Variants in AGBL1 observed in about 807,000 individuals in gnomAD.
The protein encoded by AGBL1 is AGBL carboxypeptidase 1.
AGBL1 carries 130 observed loss-of-function variants against 118.9 expected under a neutral mutation model. The ratio of observed to expected loss-of-function variants is 1.09; its 90% CI spans 0.95 to 1.26. The LOEUF (loss-of-function observed/expected upper bound fraction) is 1.26, where lower values mean the gene tolerates loss of function less well. AGBL1 is among the 50% of genes most tolerant of loss of function. The pLI is 0.00. For missense variants in AGBL1, 1,584 were observed against 1,298.1 expected (o/e 1.22, Z -3.38); for synonymous variants, 555 against 478.9 (o/e 1.16, Z -2.08).
At chr15:86,266,872 C>T in intron 12 of AGBL1, 118 bp from the exon 13 acceptor site, 1 of 905,054 alleles carries the variant, frequency 1.1e-6, no homozygotes, top group South Asian at 1.6e-5. Flanking sequence ...TGCACTCCAG[C>T]CTGGGCAACA....
At chr15:86,558,202 A>C (rs2083762518) in intron 21 of AGBL1, among the ~76,000 whole-genome samples, 1 of 152,102 alleles carries the variant, frequency 6.6e-6, no homozygotes, top group Non-Finnish European at 1.5e-5. Flanking sequence ...GCTGCGGTCC[A>C]CCCTCGAGAT....
chr15:86,247,650 T>C, intron 6 of AGBL1, 21 bp from the exon 7 acceptor site: 1 of 1,577,668 alleles, frequency 6.3e-7, no homozygotes, highest in South Asian at 1.2e-5. Context: ...TGACTGACCC[T>C]GCCTTTCCCT....
intron 18 of AGBL1, among the ~76,000 whole-genome samples, chr15:86,405,865 A>G (rs1596074876): frequency 6.6e-6 from 1 of 152,196 alleles, no homozygotes; most frequent in Middle Eastern, 3.4e-3. Flanking sequence ...CTGTAGAGGC[A>G]GCTACCACCT....
At chr15:87,018,594 AAG>A (rs2081631129) in intron 24 of AGBL1, among the ~76,000 whole-genome samples, 2 of 152,186 alleles carry the variant, frequency 1.3e-5, no homozygotes, top group Admixed American at 1.3e-4. Context: ...CCTGCCTTGC[AAG>A]AGCTCCTGAA....
chr15:86,814,101 C>T (rs1323020996), intron 22 of AGBL1, among the ~76,000 whole-genome samples: 1 of 152,236 alleles, frequency 6.6e-6, no homozygotes, highest in African/African-American at 2.4e-5. Context: ...GGTCCATGGC[C>T]TATTAGGAAG....
chr15:86,283,417 A>C (rs1416423978), intron 16 of AGBL1, among the ~76,000 whole-genome samples: 1 of 151,982 alleles, frequency 6.6e-6, no homozygotes, highest in African/African-American at 2.4e-5. Context: ...CAGAATTTTT[A>C]CCAGACACAT....
rs547425673 is a variant in AGBL1 at position 86,535,569 on chromosome 15, C to T, written c.2686-10433C>T. ...TGCATTTTGGTAAAGGGATTTCAGT[C>T]CTCTTTGAAGAGCGCATCAATTTCT... On this transcript the variant is annotated intron_variant, in intron 19 of 22. Coordinates refer to ENST00000614907, the MANE Select transcript of AGBL1 (RefSeq NM_001386094.1). 6.6e-5 allele frequency among the ~76,000 whole-genome samples: 10 copies of T among 152,328 alleles called. No homozygotes were observed. In the East Asian group the frequency reaches 1.9e-3, roughly 29 times the overall value.
chr15:86,411,047 G>C (rs1019044153), intron 18 of AGBL1, among the ~76,000 whole-genome samples: 2 of 148,802 alleles, frequency 1.3e-5, no homozygotes, highest in Non-Finnish European at 3.0e-5. Context: ...TTCAGCAACA[G>C]AGAAAGCTTG....
intron 24 of AGBL1, among the ~76,000 whole-genome samples, chr15:87,012,228 C>G (rs1185419053): frequency 6.7e-6 from 1 of 148,524 alleles, no homozygotes; most frequent in African/African-American, 2.5e-5. Flanking sequence ...CACACACACA[C>G]GCTTGCATAT....
At chr15:86,199,606 T>G (rs2077871375) in intron 5 of AGBL1, among the ~76,000 whole-genome samples, 1 of 152,218 alleles carries the variant, frequency 6.6e-6, no homozygotes, top group Admixed American at 6.5e-5. Context: ...TTTGTGACAC[T>G]GAACTGTTAC....
At chr15:86,904,296 G>A (rs914817777) in intron 22 of AGBL1, among the ~76,000 whole-genome samples, 1 of 151,924 alleles carries the variant, frequency 6.6e-6, no homozygotes, top group African/African-American at 2.4e-5. Flanking sequence ...GATACGGTCT[G>A]CCTTTTTCTC....
At chr15:86,891,897 A>C (rs2080057682) in intron 22 of AGBL1, among the ~76,000 whole-genome samples, 1 of 152,196 alleles carries the variant, frequency 6.6e-6, no homozygotes, top group Non-Finnish European at 1.5e-5. Context: ...TTCATCAACT[A>C]ATTAGGTAAA....
intron 21 of AGBL1, among the ~76,000 whole-genome samples, chr15:86,581,601 A>G (rs1402130467): frequency 6.6e-6 from 1 of 152,138 alleles, no homozygotes; most frequent in Non-Finnish European, 1.5e-5. Flanking sequence ...AGTTTCCATA[A>G]CAAATCAATT....
In AGBL1 at chr15:86,266,409, A is replaced by C; in HGVS notation, c.1703A>C (p.Gln568Pro). The change falls in exon 12 of 23, where the codon CAG (glutamine) becomes CCG (proline). Residue 568 changes from glutamine to proline, a missense_variant. Gln to Pro is a moderately conservative substitution (Grantham distance 76, BLOSUM62 -1). Coordinates refer to ENST00000614907, the MANE Select transcript of AGBL1 (RefSeq NM_001386094.1). ...RIFEDIRRLI[Q>P]PSDVINKVVF... The stretch of plus-strand genomic sequence containing the variant: ...TTTGAGGATATTCGGAGGCTCATCC[A>C]GCCAAGTGATGTTATAAATAAAGTT... 6.3e-7 allele frequency: 1 copy of C among 1,581,322 alleles called. No homozygotes were observed.
chr15:86,864,933 G>A (rs2079604844), intron 22 of AGBL1, among the ~76,000 whole-genome samples: 1 of 152,126 alleles, frequency 6.6e-6, no homozygotes, highest in South Asian at 2.1e-4. Context: ...TGATTTTTCA[G>A]AGCACTTATC....
chr15:86,546,323 A>G (rs1247806113), intron 20 of AGBL1, among the ~76,000 whole-genome samples, 190 bp downstream of exon 20: 4 of 152,096 alleles, frequency 2.6e-5, no homozygotes, highest in Admixed American at 6.6e-5. Flanking sequence ...TTTTTGTTGA[A>G]TAATGACTTA....
intron 13 of AGBL1, among the ~76,000 whole-genome samples, chr15:86,267,723 A>G (rs530306548): frequency 6.6e-6 from 1 of 152,246 alleles, no homozygotes; most frequent in African/African-American, 2.4e-5. Flanking sequence ...TTTCAGTGTC[A>G]GAAGAGACCG....
chr15:86,614,198 A>C lies in AGBL1; in HGVS notation c.2994+59661A>C, dbSNP rs574656305. Among the ~76,000 whole-genome samples, 3 of 152,352 alleles carry C rather than the reference A, an allele frequency of 2.0e-5. No homozygotes were observed. In the East Asian group the frequency reaches 5.8e-4, roughly 29 times the overall value. ...ATATATGCATCGAGCTCTATGTATT[A>C]AACTGTTATACTCTGCCCCTAATGG... On this transcript the variant is annotated intron_variant, in intron 21 of 22. Coordinates refer to ENST00000614907, the MANE Select transcript of AGBL1 (RefSeq NM_001386094.1).
At chr15:86,410,882 A>ATAAC (rs1398553741) in intron 18 of AGBL1, among the ~76,000 whole-genome samples, 23 of 67,742 alleles carry the variant, frequency 3.4e-4, no homozygotes, top group East Asian at 2.7e-3. Context: ...TATATATTAT[A>ATAAC]ATATATATTA....
Sources: gnomAD v4.1 joint callset for allele counts (sites outside exome capture counted in the v4.1 genomes callset) on GRCh38, gnomAD v4.1.1 for gene constraint, MANE v1.5 for transcripts, NCBI Gene and HGNC (gene_info 2026-07-23, HGNC 2026-07-21) for gene names.